The following UBXN2A variants were observed in gnomAD, a reference collection of about 807,000 sequenced individuals.
The protein encoded by UBXN2A is UBX domain protein 2A.
Under a neutral mutation model 28.4 loss-of-function variants are expected in UBXN2A, and 28 were observed. That is an observed-to-expected ratio of 0.99 (90% CI 0.73 to 1.35). The LOEUF (loss-of-function observed/expected upper bound fraction) is 1.35, where lower values mean the gene tolerates loss of function less well. UBXN2A is among the 40% of genes most tolerant of loss of function. The pLI is 0.00. For missense variants in UBXN2A, 253 were observed against 297.9 expected, an observed-to-expected ratio of 0.85 and a Z score of 1.11; for synonymous variants, 97 against 103.6, an observed-to-expected ratio of 0.94 and a Z score of 0.39.
chr2:23,989,783 G>T (rs769149706), intron 6 of UBXN2A, among the ~76,000 whole-genome samples: 1 of 151,940 alleles, frequency 6.6e-6, no homozygotes, highest in Non-Finnish European at 1.5e-5. Context: ...CTCACCTGTG[G>T]TCTCAGATAC....
chr2:23,966,190 G>A (rs1435440356), intron 2 of UBXN2A, among the ~76,000 whole-genome samples: 1 of 151,758 alleles, frequency 6.6e-6, no homozygotes, highest in African/African-American at 2.4e-5. Flanking sequence ...CCAGGCTGGA[G>A]TGCAGTGCCG....
Position 24,003,005 on chromosome 2 carries a change from A to G in UBXN2A, c.*3138A>G, listed in dbSNP as rs1708749178. The G allele has an allele frequency of 6.6e-6, 1 of 152,210 alleles. No individual in the cohort carries two copies. The highest frequency in any genetic ancestry group is 6.5e-5 in the Admixed American group (1 of 15,282). 9.4% of individuals were successfully genotyped at this position (152,210 alleles called of 1,614,324 possible). A position where few individuals can be genotyped will look rare whatever the true frequency, so the allele number is the denominator to read the frequency against. Reference sequence around the variant, plus strand: ...AGGCACACTTTGAGAACCAATCTATATAAAGTGATGGTTCACAATGATTCT... The same window carrying G: ...AGGCACACTTTGAGAACCAATCTATGTAAAGTGATGGTTCACAATGATTCT... On this transcript the variant is annotated 3_prime_UTR_variant, in exon 7 of 7. Transcript: ENST00000309033.
At chr2:23,979,882 A>G (rs1033676002) in intron 4 of UBXN2A, among the ~76,000 whole-genome samples, 3 of 151,966 alleles carry the variant, frequency 2.0e-5, no homozygotes, top group Non-Finnish European at 4.4e-5. Context: ...AGTATTTTAA[A>G]TTTTACCACT....
At chr2:23,987,499 C>G (rs1708176981) in intron 6 of UBXN2A, among the ~76,000 whole-genome samples, 1 of 152,118 alleles carries the variant, frequency 6.6e-6, no homozygotes, top group African/African-American at 2.4e-5. Flanking sequence ...AGAAAAAGGA[C>G]CTGGCACGGT....
intron 6 of UBXN2A, among the ~76,000 whole-genome samples, chr2:23,987,379 G>A (rs1028444116): frequency 2.0e-5 from 3 of 152,098 alleles, no homozygotes; most frequent in African/African-American, 7.2e-5. Context: ...TTGATAATTT[G>A]CTGCTTTTAT....
At chr2:23,958,164 A>T (rs1453035761) in intron 1 of UBXN2A, 137 bp from the exon 2 acceptor site, 1 of 511,422 alleles carries the variant, frequency 2.0e-6, no homozygotes, top group African/African-American at 2.0e-5. Flanking sequence ...CTTTATTTTG[A>T]TGATGAAAAT....
intron 4 of UBXN2A, among the ~76,000 whole-genome samples, chr2:23,981,032 T>C (rs1707873098): frequency 6.6e-6 from 1 of 152,172 alleles, no homozygotes; most frequent in Non-Finnish European, 1.5e-5. Flanking sequence ...GCGAATATTT[T>C]CTCTCATTCT....
In UBXN2A at chr2:24,004,908, C is replaced by A. The variant is rs1708771587; in HGVS notation, c.*5041C>A. On this transcript the variant is annotated 3_prime_UTR_variant, in exon 7 of 7. Coordinates refer to ENST00000309033, the MANE Select transcript of UBXN2A (RefSeq NM_181713.4). ...TGTTCATTAAAAGGATCTGTGAAAT[C>A]ATTTACCCTTGTTATAAAATAGTTA... is the stretch of plus-strand genomic sequence containing the variant. 2 of 152,174 alleles carry A rather than the reference C, an allele frequency of 1.3e-5. No homozygotes were observed. Among genetic ancestry groups the A allele is most frequent in the Admixed American group, 1.3e-4 (2 of 15,274 alleles). The allele number at this position is 152,174 out of a possible 1,614,324, so 9.4% of individuals were successfully genotyped here.
intron 1 of UBXN2A, among the ~76,000 whole-genome samples, chr2:23,940,865 C>T (rs1705719215): frequency 8.9e-6 from 1 of 112,522 alleles, no homozygotes; most frequent in Non-Finnish European, 1.9e-5. Context: ...AGGTGAGCGG[C>T]GACCCCGAGC....
At chr2:23,979,964 A>C (rs1707831135) in intron 4 of UBXN2A, among the ~76,000 whole-genome samples, 1 of 152,038 alleles carries the variant, frequency 6.6e-6, no homozygotes, top group Admixed American at 6.6e-5. Flanking sequence ...AGATATAATT[A>C]ACCTACCATA....
At chr2:23,946,147 GTTTATTTA>G (rs563332016) in intron 1 of UBXN2A, among the ~76,000 whole-genome samples, 1 of 151,680 alleles carries the variant, frequency 6.6e-6, no homozygotes, top group African/African-American at 2.4e-5. Flanking sequence ...TAATTCTTTT[GTTTATTTA>G]TTTATTTATT....
intron 1 of UBXN2A, chr2:23,943,967 G>T (rs1475848993): frequency 2.2e-6 from 1 of 456,394 alleles, no homozygotes; most frequent in Non-Finnish European, 4.3e-6. Flanking sequence ...AGATGGAATG[G>T]TTCTGGAATA....
Position 23,966,384 on chromosome 2 carries a change from C to T in UBXN2A, c.42-4892C>T, listed in dbSNP as rs189248856. ...TCTCTTGACCTCGTGATCCGCCCAC[C>T]TTGGCCTCCCAAAGTGCTAGGATTA... On this transcript the variant is annotated intron_variant, in intron 2 of 6. Transcript: ENST00000309033. Among the ~76,000 whole-genome samples the T allele has an allele frequency of 5.4e-3, 817 of 151,978 alleles. 6 individuals are homozygous for T. Among genetic ancestry groups the T allele is most frequent in the African/African-American group, 0.019 (774 of 41,422 alleles).
intron 2 of UBXN2A, among the ~76,000 whole-genome samples, chr2:23,961,102 T>C (rs1243679282): frequency 1.3e-5 from 2 of 151,932 alleles, no homozygotes; most frequent in East Asian, 1.9e-4. Context: ...TTTTTTGTTT[T>C]TGTTTTTTTT....
Position 23,999,639 on chromosome 2 carries a change from A to C in UBXN2A, c.585-33A>C, listed in dbSNP as rs752289868. ...TAAATTAGGTAATTCAAATTTTCCT[A>C]AAATTATATTAATAGTTTTTGCTGT... On this transcript the variant is annotated intron_variant, in intron 6 of 6. Transcript: ENST00000309033. The C allele has an allele frequency of 7.6e-6, 12 of 1,576,854 alleles. No homozygotes were observed. In the South Asian group the frequency reaches 1.3e-4, roughly 17 times the overall value.
rs1212888375 is a variant in UBXN2A at position 23,977,064 on chromosome 2, C to T, written c.276C>T (p.Ser92=). 1 of 1,611,328 alleles carries T rather than the reference C, an allele frequency of 6.2e-7. No homozygotes were observed. The highest frequency in any genetic ancestry group is 8.5e-7 in the Non-Finnish European group (1 of 1,178,096). ...GTGCCAGTCAGCAGTTTTTGAACTC[C>T]ATCAAAAAGGGGTGAGTAGCCAGGT... The part of the protein sequence containing the change: ...SDGASQQFLN[S]IKKGELPSEL... Residue 92 remains serine, a synonymous_variant, in exon 4 of 7, where the codon TCC becomes TCT. Transcript: ENST00000309033.
At chr2:23,941,852 C>T (rs1253049006) in intron 1 of UBXN2A, among the ~76,000 whole-genome samples, 1 of 152,144 alleles carries the variant, frequency 6.6e-6, no homozygotes, top group Non-Finnish European at 1.5e-5. Context: ...GTGGGCAGAT[C>T]ACCTGAGGTC....
At position 24,003,393 on chromosome 2, in the gene UBXN2A, C is replaced by T. The variant is rs187324810; in HGVS notation, c.*3526C>T. On this transcript the variant is annotated 3_prime_UTR_variant, in exon 7 of 7. Transcript: ENST00000309033. ...TGTGCTTTACCTCCTATAGCACAGCCGAGACAAGGCTGGAACATTTAATTA... is the reference window on the plus strand; with the variant it reads ...TGTGCTTTACCTCCTATAGCACAGCTGAGACAAGGCTGGAACATTTAATTA... The T allele has an allele frequency of 5.3e-5, 8 of 152,168 alleles. No homozygotes were observed. The East Asian group carries it at 9.6e-4, about 18-fold the overall frequency. The allele number at this position is 152,168 out of a possible 1,614,324, so 9.4% of individuals were successfully genotyped here. A position where few individuals can be genotyped will look rare whatever the true frequency, so the allele number is the denominator to read the frequency against.
intron 2 of UBXN2A, among the ~76,000 whole-genome samples, chr2:23,958,985 C>G (rs1706773522): frequency 6.6e-6 from 1 of 152,060 alleles, no homozygotes; most frequent in African/African-American, 2.4e-5. Flanking sequence ...GGACTACAGG[C>G]TTACACCACT....
Sources: allele counts gnomAD v4.1 joint callset (sites outside exome capture counted in the v4.1 genomes callset), GRCh38; gene constraint gnomAD v4.1.1; transcripts MANE v1.5; gene names NCBI Gene and HGNC (gene_info 2026-07-23, HGNC 2026-07-21).